The following ARL10 variants were observed in gnomAD, a reference collection of about 807,000 sequenced individuals.
ARL10 encodes ADP-ribosylation factor-like protein 10.
A neutral mutation model predicts 26.1 loss-of-function variants in ARL10; 23 were observed. The ratio of observed to expected loss-of-function variants is 0.88; its 90% CI spans 0.63 to 1.25. The LOEUF is 1.25. Ranked by LOEUF, ARL10 falls within the 50% of genes most tolerant of loss-of-function variation. The pLI, the probability that ARL10 is intolerant of heterozygous loss-of-function variation, is 0.00. For synonymous variants in ARL10, 138 were observed against 149.1 expected, an observed-to-expected ratio of 0.93 and a Z score of 0.54; for missense variants, 300 against 323.6, an observed-to-expected ratio of 0.93 and a Z score of 0.56.
At chr5:176,412,932 G>A in the ARL10 span, among the ~76,000 whole-genome samples, 1 of 152,022 alleles carries the variant, frequency 6.6e-6, no homozygotes, top group Non-Finnish European at 1.5e-5. Context: ...TGTACATTTG[G>A]CCTTCTCGAG....
downstream of ARL10, chr5:176,388,862 C>A: frequency 6.2e-7 from 1 of 1,614,152 alleles, no homozygotes; most frequent in Non-Finnish European, 8.5e-7. Flanking sequence ...CCCCTTTGAA[C>A]CATCGAAGCC....
At chr5:176,389,328 C>T, downstream of ARL10, 5 of 1,612,562 alleles carry the variant, frequency 3.1e-6, no homozygotes, top group Non-Finnish European at 4.2e-6. Context: ...GTCCCCTCCT[C>T]AGGTTGCCTG....
At chr5:176,411,306 C>T in the ARL10 span, among the ~76,000 whole-genome samples, 1 of 152,184 alleles carries the variant, frequency 6.6e-6, no homozygotes, top group African/African-American at 2.4e-5. Flanking sequence ...CATGCACTTA[C>T]CTGTGCCTCT....
chr5:176,408,310 G>A, the ARL10 span, among the ~76,000 whole-genome samples: 1 of 151,874 alleles, frequency 6.6e-6, no homozygotes, highest in Admixed American at 6.5e-5. Context: ...GAGGTGGGTG[G>A]ATCACTTGAA....
the ARL10 span, among the ~76,000 whole-genome samples, chr5:176,414,432 CTTTTT>C: frequency 7.4e-6 from 1 of 134,708 alleles, no homozygotes; most frequent in African/African-American, 2.8e-5. Context: ...GCTATAGAAT[CTTTTT>C]TTTTTTTTTT....
chr5:176,389,723 C>T, downstream of ARL10: 1 of 459,426 alleles, frequency 2.2e-6, no homozygotes, highest in Non-Finnish European at 3.8e-6. Flanking sequence ...CCCCTCCACT[C>T]CCCTGCTTAA....
chr5:176,367,408 A>G (rs1768356512), intron 2 of ARL10, among the ~76,000 whole-genome samples: 1 of 152,058 alleles, frequency 6.6e-6, no homozygotes, highest in Non-Finnish European at 1.5e-5. Context: ...GTCTGGCCCA[A>G]ACTAGTGTCA....
At chr5:176,403,914 C>T (rs1271453531), downstream of ARL10, among the ~76,000 whole-genome samples, 2 of 152,186 alleles carry the variant, frequency 1.3e-5, no homozygotes, top group South Asian at 2.1e-4. Context: ...GTGGGCACCA[C>T]CACACCCGAC....
chr5:176,371,801 T>C lies in ARL10; in HGVS notation c.641T>C (p.Phe214Ser). The change falls in exon 4 of 4, where the codon TTC becomes TCC. Residue 214 changes from phenylalanine (F) to serine (S), a missense_variant. By Grantham distance (155) the Phe-to-Ser change is radical (BLOSUM62 -2). Transcript: ENST00000310389. ...LQAIDNQREV[F>S]LLAASIAPAG... ...GCTATCGATAACCAGCGGGAGGTTTTCCTCTTGGCAGCCAGCATTGCCCCT... is the reference window on the plus strand; with the variant it reads ...GCTATCGATAACCAGCGGGAGGTTTCCCTCTTGGCAGCCAGCATTGCCCCT... 6.2e-7 allele frequency: 1 copy of C among 1,614,184 alleles called. No homozygotes were observed. The highest frequency in any genetic ancestry group is 2.2e-5 in the East Asian group (1 of 44,868).
chr5:176,369,333 A>G lies in ARL10; in HGVS notation c.561+351A>G, dbSNP rs1190907282. ...CTGCAACCTCCACCTCCCGGGTTCA[A>G]GCAATTCTTGTGCCTCAGCCTTCCG... On this transcript the variant is annotated intron_variant, in intron 3 of 3. Coordinates refer to ENST00000310389, the MANE Select transcript of ARL10 (RefSeq NM_173664.6). 8 of 711,500 alleles carry G rather than the reference A, an allele frequency of 1.1e-5. No individual in the cohort carries two copies. The East Asian group carries it at 3.1e-4, about 27-fold the overall frequency. 44.1% of individuals were successfully genotyped at this position (711,500 alleles called of 1,614,324 possible).
chr5:176,386,556 C>A (rs1755857310), downstream of ARL10: 1 of 482,272 alleles, frequency 2.1e-6, no homozygotes, highest in East Asian at 4.1e-5. Flanking sequence ...GAAGCCATAC[C>A]CATGCCAGAG....
Position 176,376,195 on chromosome 5 carries a change from A to G in ARL10, c.*4300A>G, listed in dbSNP as rs997370818. The G allele has an allele frequency of 1.3e-5, 2 of 152,138 alleles. No homozygotes were observed. Among genetic ancestry groups the G allele is most frequent in the African/African-American group, 4.8e-5 (2 of 41,432 alleles). The allele number at this position is 152,138 out of a possible 1,614,324, so 9.4% of individuals were successfully genotyped here. A position where few individuals can be genotyped will look rare whatever the true frequency, so the allele number is the denominator to read the frequency against. Reference sequence around the variant, plus strand: ...GCTAACACAGTGAAACCCTGTCTCTACTATAAAATACAAAAAATCAGCTGG... The same window carrying G: ...GCTAACACAGTGAAACCCTGTCTCTGCTATAAAATACAAAAAATCAGCTGG... On this transcript the variant is annotated 3_prime_UTR_variant, in exon 4 of 4. Transcript: ENST00000310389.
chr5:176,410,288 A>G, the ARL10 span: 1 of 1,613,982 alleles, frequency 6.2e-7, no homozygotes, highest in Non-Finnish European at 8.5e-7. Flanking sequence ...TGTGGTCCCC[A>G]TGTCCTCAGA....
Position 176,368,609 on chromosome 5 carries a change from G to A in ARL10, c.386-198G>A, listed in dbSNP as rs1323911296. Among the ~76,000 whole-genome samples, 1 of 151,890 alleles carries A rather than the reference G, an allele frequency of 6.6e-6. No homozygotes were observed. Among genetic ancestry groups the A allele is most frequent in the Non-Finnish European group, 1.5e-5 (1 of 67,970 alleles). On this transcript the variant is annotated intron_variant, in intron 2 of 3. Transcript: ENST00000310389. This position sits in a 1 kb window ranked among gnomAD's most constrained non-coding sequence, Gnocchi z 4.1. Reference sequence around the variant, plus strand: ...TCCAGTCTGAGTAGCTGCGGAAACTGCGGTCTTTTCCTTGCCCCCGGCTGG... The same window carrying A: ...TCCAGTCTGAGTAGCTGCGGAAACTACGGTCTTTTCCTTGCCCCCGGCTGG...
intron 1 of ARL10, among the ~76,000 whole-genome samples, chr5:176,400,203 A>G (rs992668326): frequency 3.9e-5 from 6 of 152,058 alleles, no homozygotes; most frequent in Non-Finnish European, 5.9e-5. Flanking sequence ...ATCTCAAAAA[A>G]AAAAAGAAAG....
downstream of ARL10, chr5:176,384,437 C>A: frequency 6.6e-7 from 1 of 1,524,444 alleles, no homozygotes; most frequent in Non-Finnish European, 8.9e-7. Context: ...CTGAACTCAT[C>A]CTGAATTAGG....
At chr5:176,396,673 A>G in intron 1 of ARL10, 2 of 722,404 alleles carry the variant, frequency 2.8e-6, no homozygotes, top group Admixed American at 4.0e-5. Flanking sequence ...TAGTTCTGGA[A>G]GGCTCAGCAA....
downstream of ARL10, among the ~76,000 whole-genome samples, chr5:176,403,692 T>A (rs926472827): frequency 2.6e-5 from 4 of 151,842 alleles, no homozygotes; most frequent in African/African-American, 9.7e-5. Flanking sequence ...GACCTTGTGA[T>A]CCACCCACCT....
At chr5:176,397,659 C>A (rs779460557) in intron 1 of ARL10, 1 of 1,613,282 alleles carries the variant, frequency 6.2e-7, no homozygotes, top group Non-Finnish European at 8.5e-7. Flanking sequence ...TGGTTCCACT[C>A]CTCCAGGTCC....
Sources: allele counts gnomAD v4.1 joint callset (sites outside exome capture counted in the v4.1 genomes callset), GRCh38; gene constraint gnomAD v4.1.1; non-coding constraint Gnocchi (gnomAD v3.1); transcripts MANE v1.5; gene names NCBI Gene and HGNC (gene_info 2026-07-23, HGNC 2026-07-21).